Variants in GPD2 observed in about 807,000 individuals in gnomAD.
GPD2 encodes glycerol-3-phosphate dehydrogenase 2, also known as glycerol-3-phosphate dehydrogenase, mitochondrial.
GPD2 carries 54 observed loss-of-function variants against 82.4 expected under a neutral mutation model. The observed-to-expected ratio is 0.66, with a 90% CI of 0.53 to 0.82. The LOEUF is 0.82. Among genes scored for constraint, GPD2 ranks in the 40% least tolerant of loss-of-function variants. GPD2 has a pLI of 0.00. For synonymous variants in GPD2, 288 were observed against 306.1 expected (o/e 0.94, Z 0.62); for missense variants, 748 against 896.2 (o/e 0.83, Z 2.11).
At chr2:156,510,469 C>A (rs1324008223) in intron 3 of GPD2, among the ~76,000 whole-genome samples, 5 of 152,206 alleles carry the variant, frequency 3.3e-5, no homozygotes, top group Non-Finnish European at 7.3e-5. Flanking sequence ...TCAGTTAACT[C>A]TTCATGGGTA....
intron 1 of GPD2, among the ~76,000 whole-genome samples, chr2:156,443,600 T>G (rs1333913530): frequency 6.6e-6 from 1 of 152,210 alleles, no homozygotes; most frequent in Admixed American, 6.5e-5. Flanking sequence ...TATTTTTATT[T>G]CAAAATTTTT....
At chr2:156,555,879 A>C (rs1286659948) in intron 8 of GPD2, among the ~76,000 whole-genome samples, 1 of 152,190 alleles carries the variant, frequency 6.6e-6, no homozygotes, top group African/African-American at 2.4e-5. Context: ...GCTAAGTAGA[A>C]GAACTTCTAC....
In GPD2 at chr2:156,583,379, G is replaced by A. The variant is rs540799360; in HGVS notation, c.*461G>A. ...GAGAAATTAAGCTTATAGACAGCAT[G>A]TGTTATTAAAAAGAGTTACCTATTG... On this transcript the variant is annotated 3_prime_UTR_variant, in exon 17 of 17. Coordinates refer to ENST00000438166, the MANE Select transcript of GPD2 (RefSeq NM_000408.5). The A allele has an allele frequency of 2.1e-5, 4 of 189,180 alleles. No individual in the cohort carries two copies. Among genetic ancestry groups the A allele is most frequent in the African/African-American group, 9.5e-5 (4 of 42,236 alleles). The allele number at this position is 189,180 out of a possible 1,614,324, so 11.7% of individuals were successfully genotyped here.
chr2:156,500,471 A>C (rs572797225), intron 3 of GPD2, among the ~76,000 whole-genome samples: 1 of 152,288 alleles, frequency 6.6e-6, no homozygotes, highest in East Asian at 1.9e-4. Flanking sequence ...TTGATGCTTC[A>C]CTTAACAACA....
At chr2:156,408,290 G>A in the GPD2 span, among the ~76,000 whole-genome samples, 6 of 152,152 alleles carry the variant, frequency 3.9e-5, no homozygotes, top group Admixed American at 1.3e-4. Context: ...ATTCTTCTCC[G>A]CATTAATAGT....
the GPD2 span, among the ~76,000 whole-genome samples, chr2:156,425,755 A>C: frequency 6.6e-6 from 1 of 152,080 alleles, no homozygotes; most frequent in Admixed American, 6.5e-5. Flanking sequence ...ACCACTCCTT[A>C]TTTGTTTTAC....
intron 13 of GPD2, among the ~76,000 whole-genome samples, chr2:156,577,572 G>C (rs1488952050): frequency 1.3e-5 from 2 of 152,164 alleles, no homozygotes; most frequent in Non-Finnish European, 2.9e-5. Flanking sequence ...CACAGTTCAT[G>C]CAAGTGTATG....
chr2:156,448,087 A>T (rs1313864375), intron 1 of GPD2, among the ~76,000 whole-genome samples: 1 of 150,630 alleles, frequency 6.6e-6, no homozygotes, highest in Non-Finnish European at 1.5e-5. Flanking sequence ...TGTTAGGTCT[A>T]TCAATCACCT....
rs1558898780 is a variant in GPD2 at position 156,439,528 on chromosome 2, AAAAAAAAAAAAC to A, written c.-9+3027_-9+3038del. 6.4e-5 allele frequency among the ~76,000 whole-genome samples: 7 copies of A among 108,658 alleles called. 1 individual carries two copies. The highest frequency in any genetic ancestry group is 7.0e-4 in the South Asian group (2 of 2,870). The allele number at this position is 108,658 out of a possible 152,430, so 71.3% of individuals were successfully genotyped here. ...GACTGTCTCAGAAAAAAAAAAAAAAAAAAAAAAAAAACAAAAAAAAAAAAACAAGCCAGGCAG... is the reference window on the plus strand; with the variant it reads ...GACTGTCTCAGAAAAAAAAAAAAAAAAAAAAAAAAAAAACAAGCCAGGCAG... On this transcript the variant is annotated intron_variant, in intron 1 of 16. Coordinates refer to ENST00000438166, the MANE Select transcript of GPD2 (RefSeq NM_000408.5).
At chr2:156,568,569 T>A (rs1473717244) in intron 9 of GPD2, among the ~76,000 whole-genome samples, 1 of 152,102 alleles carries the variant, frequency 6.6e-6, no homozygotes, top group Non-Finnish European at 1.5e-5. Context: ...CCTCTTTTGC[T>A]TCCTCTGTGG....
rs147857657 is a variant in GPD2 at position 156,539,475 on chromosome 2, G to A, written c.662-10133G>A. Among the ~76,000 whole-genome samples, 400 of 152,266 alleles carry A rather than the reference G, an allele frequency of 2.6e-3. 3 individuals are homozygous for A. The highest frequency in any genetic ancestry group is 9.3e-3 in the African/African-American group (387 of 41,568). Reference sequence around the variant, plus strand: ...TCCTTTCAGACAATCAGGACATTGGGTTCAGGTCAGACTGATTTGATAACA... The same window carrying A: ...TCCTTTCAGACAATCAGGACATTGGATTCAGGTCAGACTGATTTGATAACA... On this transcript the variant is annotated intron_variant, in intron 6 of 16. Transcript: ENST00000438166.
intron 7 of GPD2, among the ~76,000 whole-genome samples, chr2:156,550,260 G>A (rs1046396390): frequency 2.0e-5 from 3 of 152,180 alleles, no homozygotes; most frequent in African/African-American, 7.2e-5. Flanking sequence ...TTTTCTCACA[G>A]CAGTGCTGCT....
At chr2:156,547,476 A>G (rs886359972) in intron 6 of GPD2, among the ~76,000 whole-genome samples, 2 of 152,220 alleles carry the variant, frequency 1.3e-5, no homozygotes, top group Admixed American at 1.3e-4. Flanking sequence ...TCACAATTCT[A>G]GGTAGTATGA....
chr2:156,511,904 G>A (rs1217419379), intron 4 of GPD2, among the ~76,000 whole-genome samples: 1 of 152,122 alleles, frequency 6.6e-6, no homozygotes, highest in Non-Finnish European at 1.5e-5. Flanking sequence ...ATATTATGGG[G>A]AACTGAGAAA....
chr2:156,513,925 G>A (rs1489745585), intron 6 of GPD2, among the ~76,000 whole-genome samples: 2 of 152,116 alleles, frequency 1.3e-5, no homozygotes, highest in African/African-American at 4.8e-5. Flanking sequence ...AAACCTAGGG[G>A]GAAAAATGCC....
At position 156,518,060 on chromosome 2, in the gene GPD2, C is replaced by T. The variant is rs112470884; in HGVS notation, c.661+4564C>T. Among the ~76,000 whole-genome samples the T allele has an allele frequency of 2.0e-5, 3 of 152,262 alleles. No homozygotes were observed. In the East Asian group the frequency reaches 5.8e-4, roughly 29 times the overall value. ...ACTATAAGAAATTACATTGCCTTTT[C>T]CTAATGTAAATAAAAGTTGGTTACA... On this transcript the variant is annotated intron_variant, in intron 6 of 16. Transcript: ENST00000438166.
intron 1 of GPD2, among the ~76,000 whole-genome samples, chr2:156,454,373 A>G (rs1682717256): frequency 6.6e-6 from 1 of 152,118 alleles, no homozygotes; most frequent in African/African-American, 2.4e-5. Context: ...ATGAGAATAT[A>G]GGGCCATGTG....
chr2:156,488,465 C>A (rs2105225540), intron 2 of GPD2, among the ~76,000 whole-genome samples: 1 of 152,216 alleles, frequency 6.6e-6, no homozygotes, highest in East Asian at 1.9e-4. Flanking sequence ...TTGCATGAGA[C>A]CCTACTTTAT....
chr2:156,509,550 G>A (rs1684909821), intron 3 of GPD2, among the ~76,000 whole-genome samples: 1 of 151,930 alleles, frequency 6.6e-6, no homozygotes, highest in South Asian at 2.1e-4. Flanking sequence ...TATTCTTTGG[G>A]TCTTTTGGCG....
Sources: gnomAD v4.1 joint callset for allele counts (sites outside exome capture counted in the v4.1 genomes callset) on GRCh38, gnomAD v4.1.1 for gene constraint, MANE v1.5 for transcripts, NCBI Gene and HGNC (gene_info 2026-07-23, HGNC 2026-07-21) for gene names.